UGT2A1: variants seen among roughly 807,000 people sequenced by gnomAD.
UGT2A1 encodes the protein UDP-glucuronosyltransferase 2A1.
UGT2A1 carries 61 observed loss-of-function variants against 45.4 expected under a neutral mutation model. The ratio of observed to expected loss-of-function variants is 1.34; its 90% CI spans 1.09 to 1.66. The LOEUF (loss-of-function observed/expected upper bound fraction) is 1.66, where lower values mean the gene tolerates loss of function less well. Ranked by LOEUF, UGT2A1 falls within the 40% of genes most tolerant of loss-of-function variation. The pLI, the probability that UGT2A1 is intolerant of heterozygous loss-of-function variation, is 0.00. For synonymous variants in UGT2A1, 229 were observed against 196.2 expected, an observed-to-expected ratio of 1.17 and a Z score of -1.40; for missense variants, 649 against 574.3, an observed-to-expected ratio of 1.13 and a Z score of -1.33.
At chr4:69,612,099 C>G (rs548206989) in intron 3 of UGT2A1, among the ~76,000 whole-genome samples, 1 of 152,062 alleles carries the variant, frequency 6.6e-6, no homozygotes, top group African/African-American at 2.4e-5. Flanking sequence ...AGCCTCAAAG[C>G]CTTCCCACAG....
intron 1 of UGT2A1, among the ~76,000 whole-genome samples, chr4:69,652,282 C>CTTTTTTT (rs10649712): frequency 2.4e-4 from 29 of 119,974 alleles, no homozygotes; most frequent in East Asian, 1.2e-3. Flanking sequence ...ACTTTATGTC[C>CTTTTTTT]TTTTTTTTTT....
At chr4:69,606,623 A>C in intron 3 of UGT2A1, among the ~76,000 whole-genome samples, 1 of 137,098 alleles carries the variant, frequency 7.3e-6, no homozygotes, top group East Asian at 2.1e-4. Context: ...GGAAAGAGGA[A>C]GTCAAATTGT....
chr4:69,645,792 C>A (rs190618580), intron 2 of UGT2A1, among the ~76,000 whole-genome samples: 255 of 151,912 alleles, frequency 1.7e-3, no homozygotes, highest in African/African-American at 5.8e-3. Context: ...CTCATTCTTG[C>A]GGTTCCGACG....
At chr4:69,606,372 A>G in intron 3 of UGT2A1, among the ~76,000 whole-genome samples, 1 of 136,398 alleles carries the variant, frequency 7.3e-6, no homozygotes, top group Non-Finnish European at 1.6e-5. Context: ...AAATTCAACA[A>G]CGCTTCATGC....
intron 3 of UGT2A1, among the ~76,000 whole-genome samples, chr4:69,612,610 C>T (rs1720129882): frequency 2.0e-5 from 3 of 151,654 alleles, no homozygotes; most frequent in Admixed American, 1.3e-4. Flanking sequence ...ACAATATGGA[C>T]AAAAACAAGA....
intron 4 of UGT2A1, among the ~76,000 whole-genome samples, chr4:69,597,528 G>A (rs1719001046): frequency 6.6e-6 from 1 of 152,084 alleles, no homozygotes; most frequent in Non-Finnish European, 1.5e-5. Flanking sequence ...TATTTGTTGG[G>A]ATCACACTGG....
chr4:69,607,642 A>G (rs1276828514), intron 3 of UGT2A1, among the ~76,000 whole-genome samples: 1 of 152,168 alleles, frequency 6.6e-6, no homozygotes, highest in African/African-American at 2.4e-5. Context: ...AACCTACAGA[A>G]TGGGAGAAAA....
intron 1 of UGT2A1, among the ~76,000 whole-genome samples, chr4:69,652,946 A>C (rs1036576298): frequency 1.3e-5 from 2 of 152,202 alleles, no homozygotes; most frequent in Non-Finnish European, 2.9e-5. Flanking sequence ...CAAAACTCTC[A>C]ACTTACTGCT....
intron 3 of UGT2A1, among the ~76,000 whole-genome samples, chr4:69,607,554 C>A (rs956180608): frequency 7.2e-5 from 11 of 151,886 alleles, no homozygotes; most frequent in South Asian, 2.1e-4. Context: ...GCAACAAAAG[C>A]CAAAATTGAC....
At position 69,647,087 on chromosome 4, in the gene UGT2A1, T is replaced by A. The variant is rs758618277; in HGVS notation, c.558A>T (p.Val186=). ...CAGGAACATAGGAAGGAGGGTATGG[T>A]ACCTTCCCACAGTGCTTTTCCACTG... ...ASTVEKHCGK[V]PYPPSYVPAV... is the part of the protein sequence containing the mutation. The change falls in exon 2 of 7, where the codon GTA becomes GTT. Residue 186 remains valine, a synonymous_variant. Transcript: ENST00000286604. 3.1e-6 allele frequency: 5 copies of A among 1,612,806 alleles called. No individual in the cohort carries two copies. In the East Asian group the frequency reaches 1.1e-4, roughly 36 times the overall value.
At chr4:69,620,218 C>T (rs1720662440) in intron 3 of UGT2A1, among the ~76,000 whole-genome samples, 1 of 151,830 alleles carries the variant, frequency 6.6e-6, no homozygotes, top group South Asian at 2.1e-4. Context: ...CAACATGATT[C>T]TATATGTAGA....
At chr4:69,596,872 T>C (rs1235925339) in intron 4 of UGT2A1, among the ~76,000 whole-genome samples, 1 of 152,286 alleles carries the variant, frequency 6.6e-6, no homozygotes, top group South Asian at 2.1e-4. Context: ...ATAACTTAAA[T>C]ATATAATCAG....
rs1578009212 is a variant in UGT2A1, at chr4:69,646,912, A to T, written c.715+18T>A. Reference sequence around the variant, plus strand: ...GTTTGTTCAAATTCAAGTAATAAAAACAAAATTTGTTACATACCTAAAGCT... The same window carrying T: ...GTTTGTTCAAATTCAAGTAATAAAATCAAAATTTGTTACATACCTAAAGCT... On this transcript the variant is annotated intron_variant, in intron 2 of 6. Transcript: ENST00000286604. 1 of 1,522,406 alleles carries T rather than the reference A, an allele frequency of 6.6e-7. No homozygotes were observed. The highest frequency in any genetic ancestry group is 8.8e-7 in the Non-Finnish European group (1 of 1,140,104). 94.3% of individuals were successfully genotyped at this position (1,522,406 alleles called of 1,614,324 possible). A position where few individuals can be genotyped will look rare whatever the true frequency, so the allele number is the denominator to read the frequency against.
At chr4:69,652,517 C>T (rs1722581235) in intron 1 of UGT2A1, among the ~76,000 whole-genome samples, 1 of 151,928 alleles carries the variant, frequency 6.6e-6, no homozygotes, top group South Asian at 2.1e-4. Context: ...GTGATCCACC[C>T]TCCTCGGCCT....
chr4:69,609,786 G>C (rs1719923854), intron 3 of UGT2A1, among the ~76,000 whole-genome samples: 2 of 152,178 alleles, frequency 1.3e-5, no homozygotes, highest in South Asian at 4.1e-4. Flanking sequence ...CATAGCAAAT[G>C]TTCACTGCAT....
At chr4:69,643,519 T>G (rs6600795) in intron 2 of UGT2A1, among the ~76,000 whole-genome samples, 41,479 of 151,382 alleles carry the variant, frequency 0.27, 6,348 homozygotes, top group African/African-American at 0.4. Flanking sequence ...CAAGGATTGA[T>G]AGAAAATATA....
In UGT2A1 at chr4:69,594,469, G is replaced by A. The variant is rs1386551989; in HGVS notation, c.1304+8C>T. 1.2e-6 allele frequency: 2 copies of A among 1,613,842 alleles called. No individual in the cohort carries two copies. Among genetic ancestry groups the A allele is most frequent in the Non-Finnish European group, 1.7e-6 (2 of 1,179,970 alleles). Reference sequence around the variant, plus strand: ...GTTAGGCAAGTTTTTAGGAGCCTTAGTACTTACGAAGGTTCATTAATGACT... The same window carrying A: ...GTTAGGCAAGTTTTTAGGAGCCTTAATACTTACGAAGGTTCATTAATGACT... On this transcript the variant is annotated splice_region_variant and intron_variant, in intron 6 of 6. Transcript: ENST00000286604.
intron 1 of UGT2A1, among the ~76,000 whole-genome samples, chr4:69,650,074 C>T (rs1412278230): frequency 6.6e-6 from 1 of 152,108 alleles, no homozygotes; most frequent in Non-Finnish European, 1.5e-5. Flanking sequence ...TCCTCTTGGG[C>T]CCCCTCTCTG....
chr4:69,639,567 T>C, intron 2 of UGT2A1: 1 of 1,610,728 alleles, frequency 6.2e-7, no homozygotes, highest in Non-Finnish European at 8.5e-7. Context: ...TAGAACAACT[T>C]CAGTCAGAGT....
Sources: gnomAD v4.1 joint callset for allele counts (sites outside exome capture counted in the v4.1 genomes callset) on GRCh38, gnomAD v4.1.1 for gene constraint, MANE v1.5 for transcripts, NCBI Gene and HGNC (gene_info 2026-07-23, HGNC 2026-07-21) for gene names.